The following EPB41L4B variants were observed in gnomAD, a reference collection of about 807,000 sequenced individuals.
EPB41L4B encodes band 4.1-like protein 4B.
A neutral mutation model predicts 112.5 loss-of-function variants in EPB41L4B; 30 were observed. The ratio of observed to expected loss-of-function variants is 0.27; its 90% CI spans 0.20 to 0.36. EPB41L4B has a LOEUF of 0.36. EPB41L4B is among the 10% of genes least tolerant of loss of function. EPB41L4B has a pLI of 1.00. For missense variants in EPB41L4B, 1,024 were observed against 1,133.3 expected (o/e 0.90, Z 1.38); for synonymous variants, 408 against 439.7 (o/e 0.93, Z 0.90).
intron 1 of EPB41L4B, among the ~76,000 whole-genome samples, chr9:109,294,327 C>T (rs953059342): frequency 6.9e-6 from 1 of 143,934 alleles, no homozygotes; most frequent in African/African-American, 2.6e-5. Context: ...AAAAAAAAAT[C>T]ATTGTTAGGC....
At chr9:109,216,668 G>GA (rs1833381844) in intron 16 of EPB41L4B, among the ~76,000 whole-genome samples, 3 of 146,922 alleles carry the variant, frequency 2.0e-5, no homozygotes, top group Non-Finnish European at 3.0e-5. Flanking sequence ...AAAAAGAAAA[G>GA]AAAAAAAGAA....
intron 1 of EPB41L4B, among the ~76,000 whole-genome samples, chr9:109,296,911 T>C (rs1480165370): frequency 6.7e-6 from 1 of 150,344 alleles, no homozygotes; most frequent in Non-Finnish European, 1.5e-5. Context: ...GAGCTCATGA[T>C]GGCTAAGAGA....
chr9:109,180,087 C>T (rs1190491116), intron 24 of EPB41L4B, among the ~76,000 whole-genome samples: 1 of 152,160 alleles, frequency 6.6e-6, no homozygotes, highest in African/African-American at 2.4e-5. Context: ...CATCCCCTTC[C>T]TCCTCTCTCA....
At chr9:109,309,969 G>C (rs555658961) in intron 1 of EPB41L4B, among the ~76,000 whole-genome samples, 25 of 152,254 alleles carry the variant, frequency 1.6e-4, no homozygotes, top group African/African-American at 6.0e-4. Context: ...AAACAATTTT[G>C]TATGATTATA....
chr9:109,178,223 A>G (rs1214367628), intron 24 of EPB41L4B, among the ~76,000 whole-genome samples: 1 of 151,558 alleles, frequency 6.6e-6, no homozygotes, highest in African/African-American at 2.4e-5. Context: ...GCCATTTAGT[A>G]TTTTTTCAAT....
At position 109,241,756 on chromosome 9, in the gene EPB41L4B, T is replaced by C. The variant is rs374979463; in HGVS notation, c.1409+1862A>G. ...GTCGTGGACATAATCAAAATGGCTG[T>C]CATCTCCACTGGCCGATGCTTTCCA... On this transcript the variant is annotated intron_variant, in intron 15 of 25. Coordinates refer to ENST00000374566, the MANE Select transcript of EPB41L4B (RefSeq NM_019114.5). The C allele has an allele frequency of 6.4e-5, 103 of 1,614,206 alleles. No homozygotes were observed. In the African/African-American group the frequency reaches 1.3e-3, roughly 20 times the overall value.
intron 2 of EPB41L4B, among the ~76,000 whole-genome samples, chr9:109,276,837 G>A (rs574515922): frequency 6.6e-6 from 1 of 152,194 alleles, no homozygotes; most frequent in Non-Finnish European, 1.5e-5. Context: ...AACAGGCATA[G>A]GTTCTAAGGG....
At chr9:109,286,710 A>G (rs1408507928) in intron 1 of EPB41L4B, among the ~76,000 whole-genome samples, 1 of 152,226 alleles carries the variant, frequency 6.6e-6, no homozygotes, top group Non-Finnish European at 1.5e-5. Context: ...TATAGGAACT[A>G]AAGGAAGTTC....
At chr9:109,308,494 G>C (rs1466328843) in intron 1 of EPB41L4B, among the ~76,000 whole-genome samples, 1 of 152,186 alleles carries the variant, frequency 6.6e-6, no homozygotes, top group African/African-American at 2.4e-5. Flanking sequence ...AAGAGTCTTA[G>C]ATAGAATATC....
At chr9:109,222,897 T>C (rs1833635819) in intron 15 of EPB41L4B, among the ~76,000 whole-genome samples, 1 of 152,330 alleles carries the variant, frequency 6.6e-6, no homozygotes, top group African/African-American at 2.4e-5. Flanking sequence ...GAGTGAGAAC[T>C]GACCCTGATC....
intron 22 of EPB41L4B, among the ~76,000 whole-genome samples, chr9:109,188,139 A>G (rs1447700075): frequency 6.6e-6 from 1 of 152,204 alleles, no homozygotes; most frequent in African/African-American, 2.4e-5. Flanking sequence ...TTCTCTGCAT[A>G]GATACATGAT....
At chr9:109,265,112 A>C in intron 4 of EPB41L4B, 88 bp from the exon 5 acceptor site, 3 of 1,011,864 alleles carry the variant, frequency 3.0e-6, no homozygotes, top group Non-Finnish European at 4.4e-6. Context: ...CCCACCCCAC[A>C]CACAGCATGG....
In EPB41L4B at chr9:109,228,791, G is replaced by A. The variant is rs147293309; in HGVS notation, c.1410-11646C>T. Among the ~76,000 whole-genome samples, 1,273 of 152,198 alleles carry A rather than the reference G, an allele frequency of 8.4e-3. 15 individuals are homozygous for A. Among genetic ancestry groups the A allele is most frequent in the African/African-American group, 0.029 (1,203 of 41,512 alleles). ...GAGTCCTTATAAAAAGTTCTGTGCC[G>A]CTTTCTTTTTGATCATATGTTCCAC... is the stretch of plus-strand genomic sequence containing the variant. On this transcript the variant is annotated intron_variant, in intron 15 of 25. Transcript: ENST00000374566.
At chr9:109,212,647 T>C (rs1186006192) in intron 17 of EPB41L4B, among the ~76,000 whole-genome samples, 1 of 152,118 alleles carries the variant, frequency 6.6e-6, no homozygotes, top group Non-Finnish European at 1.5e-5. Flanking sequence ...ATTCTTCCTA[T>C]TCCCTCTCAT....
intron 16 of EPB41L4B, 91 bp downstream of exon 16, chr9:109,216,831 C>G: frequency 1.5e-6 from 2 of 1,314,128 alleles, no homozygotes; most frequent in South Asian, 2.4e-5. Context: ...TGTGCTGCAC[C>G]GCAAGGGTCT....
Position 109,207,792 on chromosome 9 carries a change from C to T in EPB41L4B, c.1878+132G>A, listed in dbSNP as rs180681868. ...TGGTTCACATATCAGGTATGGTTCA[C>T]ATGCCCGGTTCTCATCTCCTGACTG... is the stretch of plus-strand genomic sequence containing the variant. On this transcript the variant is annotated intron_variant, in intron 18 of 25. Transcript: ENST00000374566. 15 of 1,107,652 alleles carry T rather than the reference C, an allele frequency of 1.4e-5. No homozygotes were observed. The East Asian group carries it at 3.6e-4, about 27-fold the overall frequency. The allele number at this position is 1,107,652 out of a possible 1,614,324, so 68.6% of individuals were successfully genotyped here.
chr9:109,267,362 G>A (rs1835445387), intron 4 of EPB41L4B, 111 bp downstream of exon 4: 1 of 655,026 alleles, frequency 1.5e-6, no homozygotes, highest in African/African-American at 1.8e-5. Flanking sequence ...AACTCTTGCT[G>A]AGAAATAGAC....
At chr9:109,272,275 A>G (rs2119102306) in intron 2 of EPB41L4B, among the ~76,000 whole-genome samples, 1 of 152,180 alleles carries the variant, frequency 6.6e-6, no homozygotes, top group East Asian at 1.9e-4. Context: ...TGGGCAACAT[A>G]GCAAGACCCC....
At position 109,176,637 on chromosome 9, in the gene EPB41L4B, T is replaced by A; in HGVS notation, c.2547A>T (p.Pro849=). 6.2e-7 allele frequency: 1 copy of A among 1,614,086 alleles called. No homozygotes were observed. Among genetic ancestry groups the A allele is most frequent in the Non-Finnish European group, 8.5e-7 (1 of 1,179,998 alleles). The part of the protein sequence containing the change: ...CCPGPTSPLI[P]AATLRPLTET... ...CTGTCAAAGGCCTCAGGGTCGCTGCTGGGATCAGCGGGGAAGTCGGGCCAG... is the reference window on the plus strand; with the variant it reads ...CTGTCAAAGGCCTCAGGGTCGCTGCAGGGATCAGCGGGGAAGTCGGGCCAG... Residue 849 remains proline, a synonymous_variant, in exon 25 of 26, where the codon CCA becomes CCT. Coordinates refer to ENST00000374566, the MANE Select transcript of EPB41L4B (RefSeq NM_019114.5).
Sources: gnomAD v4.1 joint callset for allele counts (sites outside exome capture counted in the v4.1 genomes callset) on GRCh38, gnomAD v4.1.1 for gene constraint, MANE v1.5 for transcripts, NCBI Gene and HGNC (gene_info 2026-07-23, HGNC 2026-07-21) for gene names.